MED14: variants seen among roughly 807,000 people sequenced by gnomAD.
The protein encoded by MED14 is mediator complex subunit 14, also known as mediator of RNA polymerase II transcription subunit 14.
In MED14, 8 loss-of-function variants were observed where a neutral mutation model predicts 109.0. The ratio of observed to expected loss-of-function variants is 0.07; its 90% CI spans 0.04 to 0.13. The LOEUF is 0.13. Ranked by LOEUF, MED14 falls within the 10% of genes least tolerant of loss-of-function variation. MED14 has a pLI of 1.00. For synonymous variants in MED14, 399 were observed against 408.7 expected (o/e 0.98, Z 0.29); for missense variants, 711 against 1,142.4 (o/e 0.62, Z 5.44).
At chrX:40,669,737 T>C (rs1929648933) in intron 23 of MED14, among the ~76,000 whole-genome samples, 1 of 111,815 alleles carries the variant, frequency 8.9e-6, no homozygotes, top group African/African-American at 3.3e-5. Context: ...TGGAAGAGTC[T>C]ACCATCTTCT....
intron 1 of MED14, among the ~76,000 whole-genome samples, chrX:40,731,014 G>A (rs1367660432): frequency 9.2e-6 from 1 of 108,505 alleles, no homozygotes; most frequent in Non-Finnish European, 1.9e-5. Flanking sequence ...CAAGTGTGGT[G>A]GCAAGTAGTC....
chrX:40,710,672 T>G (rs1226010358), intron 8 of MED14, among the ~76,000 whole-genome samples: 1 of 105,698 alleles, frequency 9.5e-6, no homozygotes, highest in South Asian at 4.1e-4. Flanking sequence ...CTATTTGGTA[T>G]AAACCCAAAG....
chrX:40,666,983 A>G, intron 23 of MED14, 132 bp from the exon 24 acceptor site: 2 of 512,397 alleles, frequency 3.9e-6, no homozygotes, highest in Non-Finnish European at 6.0e-6. Context: ...AACACAGAGA[A>G]AAACTGGCAC....
Position 40,650,813 on chromosome X carries a change from T to G in MED14, c.*993A>C. The G allele has an allele frequency of 1.3e-6, 1 of 753,909 alleles. No individual in the cohort carries two copies. Among genetic ancestry groups the G allele is most frequent in the Non-Finnish European group, 1.6e-6 (1 of 638,898 alleles). The allele number at this position is 753,909 out of a possible 1,213,427, so 62.1% of individuals were successfully genotyped here. On this transcript the variant is annotated 3_prime_UTR_variant, in exon 31 of 31. Transcript: ENST00000324817. ...ATTTTGGTGGGGAAGGAAAGGAGGA[T>G]AAGTTAAGCAAGATAAAGAAAGCTC... is the stretch of plus-strand genomic sequence containing the variant.
At chrX:40,668,142 G>A (rs1929575329) in intron 23 of MED14, among the ~76,000 whole-genome samples, 1 of 111,654 alleles carries the variant, frequency 9.0e-6, no homozygotes, top group Admixed American at 9.5e-5. Context: ...CAGCACTTTG[G>A]GAGGGCGAAG....
chrX:40,718,148 C>T lies in MED14; in HGVS notation c.349-3438G>A, dbSNP rs181881367. 6.2e-5 allele frequency among the ~76,000 whole-genome samples: 7 copies of T among 112,252 alleles called. No individual in the cohort carries two copies. In the Admixed American group the frequency reaches 6.6e-4, roughly 11 times the overall value. ...CTAATTCTTAGTTAGACCCAATATA[C>T]AGCATGGTCCAGTAAAAATGCTACC... On this transcript the variant is annotated intron_variant, in intron 3 of 30. Coordinates refer to ENST00000324817, the MANE Select transcript of MED14 (RefSeq NM_004229.4).
intron 10 of MED14, among the ~76,000 whole-genome samples, chrX:40,706,690 G>T (rs1931155810): frequency 2.7e-5 from 3 of 111,871 alleles, no homozygotes; most frequent in Non-Finnish European, 3.8e-5. Flanking sequence ...GAACCTAGGT[G>T]AACAGCACAC....
chrX:40,684,455 T>C (rs1413030651), intron 16 of MED14, among the ~76,000 whole-genome samples: 2 of 112,222 alleles, frequency 1.8e-5, no homozygotes, highest in Non-Finnish European at 3.8e-5. Flanking sequence ...GCTTTTGAAG[T>C]TTTTCAAAAG....
At position 40,650,783 on chromosome X, in the gene MED14, T is replaced by A; in HGVS notation, c.*1023A>T. Reference sequence around the variant, plus strand: ...ATTAAATTGAAATTGTTTAGAACAATCCCAATTTTGGTGGGGAAGGAAAGG... The same window carrying A: ...ATTAAATTGAAATTGTTTAGAACAAACCCAATTTTGGTGGGGAAGGAAAGG... On this transcript the variant is annotated 3_prime_UTR_variant, in exon 31 of 31. Transcript: ENST00000324817. The A allele has an allele frequency of 1.3e-6, 1 of 753,850 alleles. No individual in the cohort carries two copies. The highest frequency in any genetic ancestry group is 1.6e-6 in the Non-Finnish European group (1 of 639,039). 62.1% of individuals were successfully genotyped at this position (753,850 alleles called of 1,213,427 possible).
intron 3 of MED14, among the ~76,000 whole-genome samples, chrX:40,720,255 A>G (rs752199225): frequency 5.3e-5 from 6 of 112,439 alleles, no homozygotes; most frequent in Non-Finnish European, 7.5e-5. Context: ...TTTTAACTTC[A>G]TATCACTGAA....
chrX:40,658,419 G>A (rs985992777), intron 28 of MED14, among the ~76,000 whole-genome samples: 1 of 111,051 alleles, frequency 9.0e-6, no homozygotes, highest in Admixed American at 9.6e-5. Context: ...AGCTATTCAG[G>A]ACACAAAGTC....
chrX:40,702,403 G>C (rs1010612895), intron 11 of MED14, among the ~76,000 whole-genome samples: 1 of 98,911 alleles, frequency 1.0e-5, no homozygotes, highest in Non-Finnish European at 2.0e-5. Context: ...CTGGAGTGCA[G>C]TGGCGCGATC....
Position 40,651,890 on chromosome X carries a change from GA to G in MED14, c.4292-12del. ...ATATTGTGCATTCACCTGCAACAGAGAAAAATGGTCATTAGCTATTCACAAC... is the reference window on the plus strand; with the variant it reads ...ATATTGTGCATTCACCTGCAACAGAGAAAATGGTCATTAGCTATTCACAAC... On this transcript the variant is annotated splice_polypyrimidine_tract_variant and intron_variant, in intron 30 of 30. Coordinates refer to ENST00000324817, the MANE Select transcript of MED14 (RefSeq NM_004229.4). 1 of 1,190,643 alleles carries G rather than the reference GA, an allele frequency of 8.4e-7. No homozygotes were observed. Among genetic ancestry groups the G allele is most frequent in the Non-Finnish European group, 1.1e-6 (1 of 885,841 alleles).
In MED14 at chrX:40,712,172, T is replaced by C. The variant is rs138842230; in HGVS notation, c.889+14A>G. On this transcript the variant is annotated intron_variant, in intron 7 of 30. Transcript: ENST00000324817. Reference sequence around the variant, plus strand: ...AATCCTTACAAATATATGTCTCAAATTTCAGAAGGATACGTAGGCAGTTGT... The same window carrying C: ...AATCCTTACAAATATATGTCTCAAACTTCAGAAGGATACGTAGGCAGTTGT... The C allele has an allele frequency of 8.0e-4, 897 of 1,128,027 alleles. 10 individuals are homozygous for C. In the African/African-American group the frequency reaches 0.013, roughly 17 times the overall value. The allele number at this position is 1,128,027 out of a possible 1,213,427, so 93.0% of individuals were successfully genotyped here.
chrX:40,705,068 GAACT>G (rs1341042603), intron 10 of MED14, among the ~76,000 whole-genome samples: 1 of 111,336 alleles, frequency 9.0e-6, no homozygotes, highest in Admixed American at 9.5e-5. Flanking sequence ...AAATCCAGCA[GAACT>G]CTGACCTGAA....
intron 13 of MED14, among the ~76,000 whole-genome samples, chrX:40,695,747 T>C (rs891583861): frequency 9.8e-5 from 11 of 111,801 alleles, no homozygotes; most frequent in African/African-American, 3.6e-4. Context: ...GTTCTACAGC[T>C]GCTGTTTTAA....
chrX:40,659,329 T>C lies in MED14; in HGVS notation c.3870A>G (p.Ala1290=). ...ACGTATTAGCTTTAAATGGTGGTCCTGCAACCTACAGGGATAAATAAAGCA... is the reference window on the plus strand; with the variant it reads ...ACGTATTAGCTTTAAATGGTGGTCCCGCAACCTACAGGGATAAATAAAGCA... ...VLEKFFETRV[A]GPPFKANTLI... Residue 1290 remains alanine (A), a synonymous_variant, in exon 28 of 31, where the codon GCA becomes GCG. Coordinates refer to ENST00000324817, the MANE Select transcript of MED14 (RefSeq NM_004229.4). 1 of 1,174,578 alleles carries C rather than the reference T, an allele frequency of 8.5e-7. No individual in the cohort carries two copies.
chrX:40,681,951 G>C lies in MED14; in HGVS notation c.2366-8C>G, dbSNP rs189938170. 464 of 939,312 alleles carry C rather than the reference G, an allele frequency of 4.9e-4. 2 individuals are homozygous for C. In the African/African-American group the frequency reaches 8.4e-3, roughly 17 times the overall value. The allele number at this position is 939,312 out of a possible 1,213,427, so 77.4% of individuals were successfully genotyped here. ...TTAGATGAGCAGGTATGTCTAAACA[G>C]AAGGAAACAAAAAGGAGATTAATAT... On this transcript the variant is annotated splice_region_variant and splice_polypyrimidine_tract_variant and intron_variant, in intron 18 of 30. Transcript: ENST00000324817.
intron 1 of MED14, among the ~76,000 whole-genome samples, chrX:40,734,181 A>G (rs1002053883): frequency 3.6e-5 from 4 of 112,080 alleles, no homozygotes; most frequent in Non-Finnish European, 7.5e-5. Flanking sequence ...GAGGTATATC[A>G]TTATAATAGT....
Sources: allele counts gnomAD v4.1 joint callset (sites outside exome capture counted in the v4.1 genomes callset), GRCh38; gene constraint gnomAD v4.1.1; transcripts MANE v1.5; gene names NCBI Gene and HGNC (gene_info 2026-07-23, HGNC 2026-07-21).